The following TCF4 variants were observed in gnomAD, a reference collection of about 807,000 sequenced individuals.
TCF4 encodes transcription factor 4, also known as SL3-3 enhancer factor 2.
TCF4 carries 3 observed loss-of-function variants against 82.1 expected under a neutral mutation model. The ratio of observed to expected loss-of-function variants is 0.04; its 90% CI spans 0.02 to 0.09. The LOEUF (loss-of-function observed/expected upper bound fraction) is 0.09, where lower values mean the gene tolerates loss of function less well. Ranked by LOEUF, TCF4 falls within the 10% of genes least tolerant of loss-of-function variation. The probability of loss-of-function intolerance (pLI) is 1.00; values close to 1 mark genes in which losing one functional copy is unlikely to be tolerated. For synonymous variants in TCF4, 276 were observed against 309.6 expected, an observed-to-expected ratio of 0.89 and a Z score of 1.14; for missense variants, 518 against 852.7, an observed-to-expected ratio of 0.61 and a Z score of 4.89.
intron 6 of TCF4, among the ~76,000 whole-genome samples, chr18:55,372,010 T>G (rs563950991): frequency 1.3e-5 from 2 of 152,202 alleles, no homozygotes; most frequent in Admixed American, 1.3e-4. Context: ...AATAATAGCA[T>G]CTCCTTCCTT....
At position 55,264,919 on chromosome 18, in the gene TCF4, C is replaced by T. The variant is rs529911990; in HGVS notation, c.923-3386G>A. ...GAGGAACTGTAATTTTTGTAGGAGG[C>T]TTCGACACTGCCTGCCACCCAAGTA... On this transcript the variant is annotated intron_variant, in intron 11 of 19. Transcript: ENST00000354452. 5.9e-5 allele frequency: 9 copies of T among 152,238 alleles called. 1 individual carries two copies. The South Asian group carries it at 1.9e-3, about 32-fold the overall frequency. 9.4% of individuals were successfully genotyped at this position (152,238 alleles called of 1,614,324 possible).
intron 1 of TCF4, among the ~76,000 whole-genome samples, chr18:55,632,251 G>T (rs931736488): frequency 1.3e-5 from 2 of 152,126 alleles, no homozygotes; most frequent in African/African-American, 4.8e-5. Context: ...TGTTAGCCAG[G>T]ACGGTCTCCA....
At chr18:55,449,336 A>G (rs2095581548) in intron 5 of TCF4, among the ~76,000 whole-genome samples, 1 of 152,224 alleles carries the variant, frequency 6.6e-6, no homozygotes. Flanking sequence ...CCATCAATAA[A>G]TAAGGAAAAA....
At chr18:55,528,595 G>C (rs1234788555) in intron 3 of TCF4, among the ~76,000 whole-genome samples, 2 of 152,124 alleles carry the variant, frequency 1.3e-5, no homozygotes, top group Non-Finnish European at 2.9e-5. Flanking sequence ...CACAGACTTG[G>C]ATCTGTGTAC....
chr18:55,433,731 TACGAGGGAAACTATATC>T (rs1386678617), intron 5 of TCF4, among the ~76,000 whole-genome samples: 1 of 152,236 alleles, frequency 6.6e-6, no homozygotes, highest in Non-Finnish European at 1.5e-5. Flanking sequence ...TGCATTATGT[TACGAGGGAAACTATATC>T]ACATTAGTGG....
rs2097670503 is a variant in TCF4 at position 55,588,102 on chromosome 18, G to C, written c.-85C>G. ...GCCGAGGCGGCGTTCATGTCTAACC[G>C]CCGCCGCCACCGCCGCCGCCTGCTC... On this transcript the variant is annotated 5_prime_UTR_variant, in exon 1 of 20. Coordinates refer to ENST00000354452, the MANE Select transcript of TCF4 (RefSeq NM_001083962.2). The C allele has an allele frequency of 2.0e-6, 2 of 1,020,944 alleles. No individual in the cohort carries two copies. The highest frequency in any genetic ancestry group is 2.3e-6 in the Non-Finnish European group (2 of 858,124). The allele number at this position is 1,020,944 out of a possible 1,614,324, so 63.2% of individuals were successfully genotyped here.
At chr18:55,635,728 G>A (rs918244741) in exon 1 of TCF4, 47 of 1,550,256 alleles carry the variant, frequency 3.0e-5, no homozygotes, top group Non-Finnish European at 3.7e-5. Flanking sequence ...GGAGAAGCTC[G>A]AGTAGCAGTT....
chr18:55,307,678 A>G (rs1180665889), intron 8 of TCF4, among the ~76,000 whole-genome samples: 1 of 152,238 alleles, frequency 6.6e-6, no homozygotes, highest in South Asian at 2.1e-4. Flanking sequence ...TGGTATTTGC[A>G]TAACAGGAAC....
intron 6 of TCF4, among the ~76,000 whole-genome samples, chr18:55,371,536 C>T (rs1401816816): frequency 6.6e-6 from 1 of 152,076 alleles, no homozygotes; most frequent in Non-Finnish European, 1.5e-5. Context: ...GCCAAGGAAG[C>T]TTTGTTTGTT....
intron 6 of TCF4, among the ~76,000 whole-genome samples, chr18:55,377,076 T>C (rs114683851): frequency 4.7e-4 from 72 of 152,348 alleles, no homozygotes; most frequent in African/African-American, 1.7e-3. Context: ...TACCTACCAG[T>C]TCTTCCCAGA....
intron 3 of TCF4, 148 bp from the exon 4 acceptor site, chr18:55,464,285 AC>A: frequency 1.4e-6 from 1 of 728,916 alleles, no homozygotes; most frequent in Non-Finnish European, 2.4e-6. Context: ...GTGGCTTCTG[AC>A]CCATCTACTT....
chr18:55,319,977 G>A (rs1049644929), intron 8 of TCF4, among the ~76,000 whole-genome samples: 15 of 152,116 alleles, frequency 9.9e-5, no homozygotes, highest in Non-Finnish European at 2.1e-4. Flanking sequence ...TATAATGTAA[G>A]TCTTTCATTA....
rs551847726 is a variant in TCF4, at chr18:55,235,353, G to T, written c.1351-670C>A. On this transcript the variant is annotated intron_variant, in intron 15 of 19. Transcript: ENST00000354452. ...TGCCAATGCCACCACACCGGAAAAT[G>T]TACCAATAAAGGTTTTATTAAACAC... Among the ~76,000 whole-genome samples the T allele has an allele frequency of 5.9e-5, 9 of 152,238 alleles. No individual in the cohort carries two copies. In the South Asian group the frequency reaches 1.2e-3, roughly 21 times the overall value.
At chr18:55,515,359 G>T (rs373364232) in intron 3 of TCF4, among the ~76,000 whole-genome samples, 1 of 152,154 alleles carries the variant, frequency 6.6e-6, no homozygotes, top group South Asian at 2.1e-4. Context: ...ACTGAACTAC[G>T]TGCAGACACA....
rs376508482 is a variant in TCF4 at position 55,459,647 on chromosome 18, G to A, written c.304+1372C>T. 1.2e-4 allele frequency among the ~76,000 whole-genome samples: 18 copies of A among 152,144 alleles called. 1 individual carries two copies. In the East Asian group the frequency reaches 2.3e-3, roughly 20 times the overall value. ...AACTATTGACACTGAAGAGTCAAAA[G>A]CTGCCTTTTAAAATCTAAGTTGATA... On this transcript the variant is annotated intron_variant, in intron 5 of 19. Transcript: ENST00000354452.
upstream of TCF4, chr18:55,588,473 A>G (rs2097674310): frequency 3.3e-6 from 5 of 1,534,584 alleles, no homozygotes; most frequent in South Asian, 2.4e-5. Context: ...CGAGCACCTC[A>G]TTTTTCCTCA....
intron 3 of TCF4, among the ~76,000 whole-genome samples, chr18:55,513,336 C>T (rs1046962847): frequency 6.6e-6 from 1 of 151,514 alleles, no homozygotes; most frequent in African/African-American, 2.4e-5. Context: ...TTTTAAAACC[C>T]TCTACTCATG....
chr18:55,358,474 AGG>A (rs2084181132), intron 6 of TCF4, among the ~76,000 whole-genome samples: 1 of 152,250 alleles, frequency 6.6e-6, no homozygotes, highest in South Asian at 2.1e-4. Flanking sequence ...TGCCAGGCAC[AGG>A]TGCAGATCCT....
chr18:55,251,187 T>A (rs1023777354), intron 15 of TCF4, among the ~76,000 whole-genome samples: 1 of 152,126 alleles, frequency 6.6e-6, no homozygotes, highest in African/African-American at 2.4e-5. Flanking sequence ...AGCTAAGGAA[T>A]TGGTCTTTAT....
Sources: allele counts gnomAD v4.1 joint callset (sites outside exome capture counted in the v4.1 genomes callset), GRCh38; gene constraint gnomAD v4.1.1; transcripts MANE v1.5; gene names NCBI Gene and HGNC (gene_info 2026-07-23, HGNC 2026-07-21).